SPAG16: variants seen among roughly 807,000 people sequenced by gnomAD.
SPAG16 encodes the protein sperm-associated antigen 16 protein.
Under a neutral mutation model 80.4 loss-of-function variants are expected in SPAG16, and 86 were observed. That is an observed-to-expected ratio of 1.07 (90% CI 0.90 to 1.28). SPAG16 has a LOEUF of 1.28. Among genes scored for constraint, SPAG16 ranks in the 50% most tolerant of loss-of-function variants. SPAG16 has a pLI of 0.00. For missense variants in SPAG16, 870 were observed against 765.3 expected, an observed-to-expected ratio of 1.14 and a Z score of -1.61; for synonymous variants, 294 against 265.9, an observed-to-expected ratio of 1.11 and a Z score of -1.03.
intron 12 of SPAG16, among the ~76,000 whole-genome samples, chr2:213,980,712 G>A (rs2372105): frequency 0.44 from 50,018 of 113,950 alleles, 12,113 homozygotes; most frequent in South Asian, 0.71. Context: ...GTGTGTGTGT[G>A]TATATATATA....
Position 213,340,187 on chromosome 2 carries a change from A to C in SPAG16, c.561A>C (p.Lys187Asn). ...AADKAREDLLKIQKERDFHRM... is the reference protein window; with the variant it reads ...AADKAREDLLNIQKERDFHRM... ...GCAAAGCTAGAGAAGATTTGCTGAA[A>C]ATTCAGAAAGAACGTGATTTTCATC... Residue 187 changes from lysine (K) to asparagine (N), a missense_variant, in exon 6 of 16, where the codon AAA becomes AAC. Lys to Asn is a moderately conservative substitution (Grantham distance 94). Coordinates refer to ENST00000331683, the MANE Select transcript of SPAG16 (RefSeq NM_024532.5). 2 of 1,611,266 alleles carry C rather than the reference A, an allele frequency of 1.2e-6. No individual in the cohort carries two copies. Among genetic ancestry groups the C allele is most frequent in the Non-Finnish European group, 1.7e-6 (2 of 1,179,054 alleles).
At chr2:213,413,493 CAT>C (rs2125404981) in intron 9 of SPAG16, among the ~76,000 whole-genome samples, 1 of 152,192 alleles carries the variant, frequency 6.6e-6, no homozygotes, top group East Asian at 1.9e-4. Flanking sequence ...TTATACTTTA[CAT>C]ATGTTTCCAA....
chr2:213,994,017 A>G (rs928667730), intron 12 of SPAG16, among the ~76,000 whole-genome samples: 2 of 152,224 alleles, frequency 1.3e-5, no homozygotes, highest in African/African-American at 4.8e-5. Context: ...CATTCTGTTT[A>G]TGATTCTAAC....
chr2:214,164,597 A>C (rs72939953), intron 15 of SPAG16, among the ~76,000 whole-genome samples: 12,084 of 152,214 alleles, frequency 0.079, 558 homozygotes, highest in Middle Eastern at 0.11. Context: ...GCTGGTCTTT[A>C]TTCTAAAAAG....
At chr2:214,280,947 G>A in intron 15 of SPAG16, 2 of 447,308 alleles carry the variant, frequency 4.5e-6, no homozygotes, top group Non-Finnish European at 8.6e-6. Context: ...GTGTACTTCT[G>A]CATTAAATTC....
At chr2:213,785,996 A>G (rs889514007) in intron 10 of SPAG16, among the ~76,000 whole-genome samples, 9 of 152,058 alleles carry the variant, frequency 5.9e-5, no homozygotes, top group African/African-American at 1.9e-4. Flanking sequence ...GACAAGAGCA[A>G]AACTCCGTCT....
At chr2:213,297,841 A>G (rs2062574050) in intron 3 of SPAG16, among the ~76,000 whole-genome samples, 1 of 152,208 alleles carries the variant, frequency 6.6e-6, no homozygotes, top group South Asian at 2.1e-4. Context: ...CTAAAAGTGC[A>G]TAAAACTGAT....
chr2:213,915,849 A>G (rs1024773073), intron 11 of SPAG16, among the ~76,000 whole-genome samples: 4 of 152,018 alleles, frequency 2.6e-5, no homozygotes, highest in African/African-American at 9.7e-5. Flanking sequence ...AGTGGTTTAG[A>G]TTTGCATTTC....
intron 14 of SPAG16, among the ~76,000 whole-genome samples, chr2:214,126,655 A>T (rs945780319): frequency 1.3e-5 from 2 of 151,804 alleles, no homozygotes; most frequent in Non-Finnish European, 2.9e-5. Flanking sequence ...TTAATCAATA[A>T]TAATTAGCTA....
intron 12 of SPAG16, among the ~76,000 whole-genome samples, chr2:213,963,230 C>T (rs907346090): frequency 2.6e-4 from 40 of 151,556 alleles, no homozygotes; most frequent in African/African-American, 8.7e-4. Context: ...ATTGGTATGT[C>T]GTGTTTTCAT....
At chr2:213,517,700 G>T (rs181019092) in intron 10 of SPAG16, among the ~76,000 whole-genome samples, 1 of 152,236 alleles carries the variant, frequency 6.6e-6, no homozygotes, top group Non-Finnish European at 1.5e-5. Context: ...AAAACAAATG[G>T]AGAAAGGGCT....
At chr2:213,863,828 C>T (rs2075580722) in intron 11 of SPAG16, among the ~76,000 whole-genome samples, 1 of 152,230 alleles carries the variant, frequency 6.6e-6, no homozygotes, top group African/African-American at 2.4e-5. Context: ...AATAGATCTT[C>T]CTGTTTTCCC....
intron 11 of SPAG16, among the ~76,000 whole-genome samples, chr2:213,877,455 A>G (rs2076183988): frequency 6.6e-6 from 1 of 152,064 alleles, no homozygotes; most frequent in African/African-American, 2.4e-5. Flanking sequence ...GACCACAGTC[A>G]CACGCTACCA....
In SPAG16 at chr2:213,350,575, A is replaced by C; in HGVS notation, c.692A>C (p.His231Pro). ...TATGAACCGACTATAAGGGTGTTAC[A>C]TGAGAAACACCACACTTTACTGAAG... ...ASYEPTIRVL[H>P]EKHHTLLKEK... Residue 231 changes from histidine to proline, a missense_variant, in exon 7 of 16, where the codon CAT becomes CCT. By Grantham distance (77) the His-to-Pro change is moderately conservative (BLOSUM62 -2). Coordinates refer to ENST00000331683, the MANE Select transcript of SPAG16 (RefSeq NM_024532.5). 6.2e-7 allele frequency: 1 copy of C among 1,601,234 alleles called. No homozygotes were observed. The highest frequency in any genetic ancestry group is 1.3e-5 in the African/African-American group (1 of 74,312).
intron 9 of SPAG16, among the ~76,000 whole-genome samples, chr2:213,408,059 G>T (rs2068760732): frequency 6.6e-6 from 1 of 150,852 alleles, no homozygotes; most frequent in Non-Finnish European, 1.5e-5. Context: ...GGCAGAGAGA[G>T]GGAGAGGCAG....
intron 11 of SPAG16, among the ~76,000 whole-genome samples, chr2:213,904,807 A>G (rs1188167594): frequency 6.6e-6 from 1 of 152,024 alleles, no homozygotes; most frequent in Non-Finnish European, 1.5e-5. Context: ...GTAGAAGGAA[A>G]TGAGATGAGT....
chr2:214,358,496 G>GT (rs1410274822), intron 15 of SPAG16, among the ~76,000 whole-genome samples: 5 of 151,856 alleles, frequency 3.3e-5, no homozygotes, highest in African/African-American at 9.7e-5. Context: ...ATTGTTATAT[G>GT]TTTTTTACTG....
chr2:214,318,905 A>T (rs933352726), intron 15 of SPAG16, among the ~76,000 whole-genome samples: 6 of 152,138 alleles, frequency 3.9e-5, no homozygotes, highest in African/African-American at 1.4e-4. Flanking sequence ...GAGGATCTAG[A>T]TAAGTTATGA....
chr2:214,320,297 A>T (rs1363708685), intron 15 of SPAG16, among the ~76,000 whole-genome samples: 2 of 152,150 alleles, frequency 1.3e-5, no homozygotes, highest in African/African-American at 2.4e-5. Context: ...CTTTTAGCTC[A>T]GTTACTTCCT....
Sources: gnomAD v4.1 joint callset for allele counts (sites outside exome capture counted in the v4.1 genomes callset) on GRCh38, gnomAD v4.1.1 for gene constraint, MANE v1.5 for transcripts, NCBI Gene and HGNC (gene_info 2026-07-23, HGNC 2026-07-21) for gene names.